GOLM2: variants seen among roughly 807,000 people sequenced by gnomAD.
GOLM2 encodes protein GOLM2.
A neutral mutation model predicts 55.9 loss-of-function variants in GOLM2; 26 were observed. The ratio of observed to expected loss-of-function variants is 0.47; its 90% CI spans 0.34 to 0.65. The LOEUF is 0.65. GOLM2 is among the 30% of genes least tolerant of loss of function. The pLI is 0.01. For synonymous variants in GOLM2, 165 were observed against 194.6 expected (o/e 0.85, Z 1.27); for missense variants, 486 against 531.8 (o/e 0.91, Z 0.85).
chr15:44,364,041 TGTGGG>T, intron 6 of GOLM2, among the ~76,000 whole-genome samples: 1 of 147,036 alleles, frequency 6.8e-6, no homozygotes, highest in East Asian at 2.0e-4. Flanking sequence ...TGGGGACTGT[TGTGGG>T]GTGGGGGGAG....
chr15:44,326,927 C>G (rs928528195), intron 2 of GOLM2, among the ~76,000 whole-genome samples: 2 of 150,194 alleles, frequency 1.3e-5, no homozygotes, highest in African/African-American at 4.9e-5. Context: ...GCTGGTATTA[C>G]AGGTGTGAGC....
chr15:44,300,404 T>C (rs1474045261), intron 1 of GOLM2, among the ~76,000 whole-genome samples: 1 of 152,232 alleles, frequency 6.6e-6, no homozygotes, highest in African/African-American at 2.4e-5. Flanking sequence ...TTTTCACTTT[T>C]CTTTGTCTCC....
intron 1 of GOLM2, among the ~76,000 whole-genome samples, chr15:44,300,047 C>T (rs2141109160): frequency 6.7e-6 from 1 of 149,558 alleles, no homozygotes; most frequent in East Asian, 2.0e-4. Context: ...CTGCAGGGAG[C>T]TATGATTGTG....
At chr15:44,335,625 T>C (rs1247633918) in intron 4 of GOLM2, among the ~76,000 whole-genome samples, 2 of 152,218 alleles carry the variant, frequency 1.3e-5, no homozygotes, top group Non-Finnish European at 2.9e-5. Context: ...ATGGATTTTC[T>C]CACCCTTGGT....
chr15:44,313,060 C>T (rs866684053), intron 1 of GOLM2, among the ~76,000 whole-genome samples: 3 of 151,056 alleles, frequency 2.0e-5, no homozygotes, highest in Non-Finnish European at 2.9e-5. Flanking sequence ...GCCTGGGCGA[C>T]GGAGCAAGAC....
At chr15:44,378,741 A>G (rs989670402) in intron 6 of GOLM2, among the ~76,000 whole-genome samples, 2 of 151,958 alleles carry the variant, frequency 1.3e-5, no homozygotes, top group Non-Finnish European at 2.9e-5. Flanking sequence ...GTATCTGAAG[A>G]GATTCATTTT....
At chr15:44,360,732 C>T (rs984710987) in intron 6 of GOLM2, among the ~76,000 whole-genome samples, 2 of 152,102 alleles carry the variant, frequency 1.3e-5, no homozygotes, top group Admixed American at 6.6e-5. Context: ...CTCTCCACCC[C>T]AAATCAACAG....
chr15:44,304,230 CTTTTTTT>C lies in GOLM2; in HGVS notation c.327+14897_327+14903del, dbSNP rs895623812. 1.3e-4 allele frequency among the ~76,000 whole-genome samples: 11 copies of C among 82,922 alleles called. No individual in the cohort carries two copies. In the East Asian group the frequency reaches 1.7e-3, roughly 13 times the overall value. The allele number at this position is 82,922 out of a possible 152,430, so 54.4% of individuals were successfully genotyped here. Reference sequence around the variant, plus strand: ...TCAGTCACGTCTTCAGGCTCCACTTCTTTTTTTTTTTTTTTTTTTTTTTTTTTTTGAG... The same window carrying C: ...TCAGTCACGTCTTCAGGCTCCACTTCTTTTTTTTTTTTTTTTTTTTTTGAG... On this transcript the variant is annotated intron_variant, in intron 1 of 9. Transcript: ENST00000299957.
At chr15:44,376,433 T>G (rs2079365453) in intron 6 of GOLM2, among the ~76,000 whole-genome samples, 1 of 152,042 alleles carries the variant, frequency 6.6e-6, no homozygotes, top group Non-Finnish European at 1.5e-5. Flanking sequence ...CCCAGCTAAT[T>G]GTATTTACTT....
At chr15:44,317,754 C>G (rs1012652751) in intron 1 of GOLM2, among the ~76,000 whole-genome samples, 5 of 152,130 alleles carry the variant, frequency 3.3e-5, no homozygotes, top group Admixed American at 2.0e-4. Flanking sequence ...ATCAATAGGT[C>G]AAAATCTCAA....
In GOLM2 at chr15:44,289,479, T is replaced by G; in HGVS notation, c.327+123T>G. On this transcript the variant is annotated intron_variant, in intron 1 of 9. Transcript: ENST00000299957. The surrounding 1 kb of genome is among the most constrained non-coding windows in gnomAD (Gnocchi z 4.8). Reference sequence around the variant, plus strand: ...AGTATTTCAGTCCTGAAGGCTCCTTTCACCCCCAACAACCCTGTTTCTGTC... The same window carrying G: ...AGTATTTCAGTCCTGAAGGCTCCTTGCACCCCCAACAACCCTGTTTCTGTC... 2 of 871,556 alleles carry G rather than the reference T, an allele frequency of 2.3e-6. No homozygotes were observed. The highest frequency in any genetic ancestry group is 3.5e-6 in the Non-Finnish European group (2 of 578,784). 54.0% of individuals were successfully genotyped at this position (871,556 alleles called of 1,614,324 possible). A position where few individuals can be genotyped will look rare whatever the true frequency, so the allele number is the denominator to read the frequency against.
At chr15:44,396,506 A>G (rs935003575) in intron 8 of GOLM2, among the ~76,000 whole-genome samples, 2 of 152,216 alleles carry the variant, frequency 1.3e-5, no homozygotes, top group Non-Finnish European at 2.9e-5. Context: ...TGCCTTTGTA[A>G]ATGGAAAAGG....
chr15:44,344,287 G>GTATATATA lies in GOLM2; in HGVS notation c.802+5987_802+5994dup, dbSNP rs143483392. 1.5e-3 allele frequency among the ~76,000 whole-genome samples: 201 copies of GTATATATA among 138,320 alleles called. 1 individual carries two copies. The highest frequency in any genetic ancestry group is 0.013 in the East Asian group (59 of 4,694). 90.7% of individuals were successfully genotyped at this position (138,320 alleles called of 152,430 possible). A position where few individuals can be genotyped will look rare whatever the true frequency, so the allele number is the denominator to read the frequency against. ...AAAAAAAAAAAATGTATATGTGTGT[G>GTATATATA]TATATATATATATATATATATATAC... On this transcript the variant is annotated intron_variant, in intron 6 of 9. Transcript: ENST00000299957.
At chr15:44,357,966 A>G (rs1042973474) in intron 6 of GOLM2, among the ~76,000 whole-genome samples, 9 of 152,232 alleles carry the variant, frequency 5.9e-5, no homozygotes, top group Non-Finnish European at 1.2e-4. Flanking sequence ...TCAAAATGTC[A>G]GTTCCTCGGA....
intron 1 of GOLM2, among the ~76,000 whole-genome samples, chr15:44,318,474 C>T (rs969954256): frequency 6.6e-6 from 1 of 152,150 alleles, no homozygotes; most frequent in African/African-American, 2.4e-5. Context: ...TTTGGGAGGC[C>T]GAGGTGGGTG....
In GOLM2 at chr15:44,330,208, T is replaced by TAAA. The variant is rs746756627; in HGVS notation, c.485+1442_485+1444dup. On this transcript the variant is annotated intron_variant, in intron 3 of 9. Coordinates refer to ENST00000299957, the MANE Select transcript of GOLM2 (RefSeq NM_138423.4). ...TACAGGTGTGAAGAACTTGTCTCTT[T>TAAA]AAAAAAAAAAAAAAAAAAAAAAAGC... 4.9e-3 allele frequency among the ~76,000 whole-genome samples: 398 copies of TAAA among 81,466 alleles called. 15 individuals carry two copies. Among genetic ancestry groups the TAAA allele is most frequent in the African/African-American group, 0.02 (377 of 18,620 alleles). 53.4% of individuals were successfully genotyped at this position (81,466 alleles called of 152,430 possible).
At chr15:44,361,729 CAG>C (rs1260294927) in intron 6 of GOLM2, among the ~76,000 whole-genome samples, 1 of 152,122 alleles carries the variant, frequency 6.6e-6, no homozygotes, top group East Asian at 1.9e-4. Context: ...CAAAGCCAGG[CAG>C]AGACACAACC....
rs535248284 is a variant in GOLM2 at position 44,294,485 on chromosome 15, T to G, written c.327+5129T>G. On this transcript the variant is annotated intron_variant, in intron 1 of 9. Coordinates refer to ENST00000299957, the MANE Select transcript of GOLM2 (RefSeq NM_138423.4). Reference sequence around the variant, plus strand: ...ATCCCAGCACTTTGGGAGGCCGAGGTGGGCAGATCACAAGGTCAGGAGTTC... The same window carrying G: ...ATCCCAGCACTTTGGGAGGCCGAGGGGGGCAGATCACAAGGTCAGGAGTTC... 3.6e-4 allele frequency among the ~76,000 whole-genome samples: 54 copies of G among 150,834 alleles called. No individual in the cohort carries two copies. The South Asian group carries it at 0.011, about 32-fold the overall frequency.
intron 1 of GOLM2, among the ~76,000 whole-genome samples, chr15:44,305,975 C>T (rs757078307): frequency 2.8e-4 from 43 of 152,170 alleles, no homozygotes; most frequent in Admixed American, 1.8e-3. Context: ...ATTTATAGAG[C>T]GCAGATAAAA....
Sources: allele counts gnomAD v4.1 joint callset (sites outside exome capture counted in the v4.1 genomes callset), GRCh38; gene constraint gnomAD v4.1.1; non-coding constraint Gnocchi (gnomAD v3.1); transcripts MANE v1.5; gene names NCBI Gene and HGNC (gene_info 2026-07-23, HGNC 2026-07-21).